LASP1: variants seen among roughly 807,000 people sequenced by gnomAD.
LASP1 encodes LIM and SH3 domain protein 1.
A neutral mutation model predicts 38.6 loss-of-function variants in LASP1; 10 were observed. That is an observed-to-expected ratio of 0.26 (90% CI 0.16 to 0.44). LASP1 has a LOEUF of 0.44. LASP1 is among the 20% of genes least tolerant of loss of function. The pLI is 1.00. For synonymous variants in LASP1, 132 were observed against 140.8 expected, an observed-to-expected ratio of 0.94 and a Z score of 0.44; for missense variants, 243 against 375.7, an observed-to-expected ratio of 0.65 and a Z score of 2.92.
rs1915042658 is a variant in LASP1 at position 38,914,310 on chromosome 17, C to T, written c.358-15C>T. The T allele has an allele frequency of 1.3e-6, 2 of 1,598,122 alleles. No individual in the cohort carries two copies. The highest frequency in any genetic ancestry group is 2.3e-5 in the East Asian group (1 of 44,250). ...TGCAGTGGGACCCTTCACCTAGTGC[C>T]TTCTGACCTTGCAGATAAAATACCA... On this transcript the variant is annotated splice_polypyrimidine_tract_variant and intron_variant, in intron 4 of 6. Coordinates refer to ENST00000318008, the MANE Select transcript of LASP1 (RefSeq NM_006148.4).
At chr17:38,875,586 C>T (rs563798143) in intron 1 of LASP1, among the ~76,000 whole-genome samples, 18 of 152,222 alleles carry the variant, frequency 1.2e-4, no homozygotes, top group African/African-American at 3.9e-4. Context: ...GAGTGGTTCT[C>T]CTAGCATTCT....
At chr17:38,893,377 C>T (rs1042402084) in intron 3 of LASP1, among the ~76,000 whole-genome samples, 1 of 152,180 alleles carries the variant, frequency 6.6e-6, no homozygotes, top group Non-Finnish European at 1.5e-5. Context: ...ATTTTGACTC[C>T]CCCGTGATTC....
intron 4 of LASP1, among the ~76,000 whole-genome samples, chr17:38,912,419 A>G (rs538696982): frequency 1.3e-5 from 2 of 149,830 alleles, no homozygotes; most frequent in Non-Finnish European, 3.0e-5. Flanking sequence ...ATAGGGTCAG[A>G]GTAGGGCCAG....
chr17:38,875,925 G>C (rs899132970), intron 1 of LASP1, among the ~76,000 whole-genome samples: 25 of 152,122 alleles, frequency 1.6e-4, no homozygotes, highest in Admixed American at 1.3e-3. Flanking sequence ...TCCTTCTTTT[G>C]GAATGGGGAA....
chr17:38,894,691 C>T (rs893654729), intron 3 of LASP1, among the ~76,000 whole-genome samples: 3 of 152,206 alleles, frequency 2.0e-5, no homozygotes, highest in African/African-American at 7.2e-5. Context: ...CAGCCCCGGC[C>T]CTTTCCATCA....
intron 2 of LASP1, among the ~76,000 whole-genome samples, chr17:38,886,756 G>A (rs1012648119): frequency 7.9e-5 from 12 of 152,078 alleles, no homozygotes; most frequent in African/African-American, 1.9e-4. Context: ...TCTTGGAGGC[G>A]CCCATCGGTG....
intron 2 of LASP1, among the ~76,000 whole-genome samples, chr17:38,878,674 G>C (rs1328710680): frequency 1.3e-5 from 2 of 152,070 alleles, no homozygotes; most frequent in Non-Finnish European, 2.9e-5. Context: ...GGCTTTGGGG[G>C]CTCCTTCCTC....
At chr17:38,879,531 G>T (rs1598105041) in intron 2 of LASP1, among the ~76,000 whole-genome samples, 1 of 142,928 alleles carries the variant, frequency 7.0e-6, no homozygotes, top group Admixed American at 7.0e-5. Flanking sequence ...TAATTTCAGT[G>T]TTCACATGAA....
intron 2 of LASP1, among the ~76,000 whole-genome samples, chr17:38,884,316 G>C (rs1458885365): frequency 6.8e-6 from 1 of 147,368 alleles, no homozygotes; most frequent in African/African-American, 2.5e-5. Flanking sequence ...AGGCCACCCA[G>C]AGGTCCTCAC....
intron 3 of LASP1, among the ~76,000 whole-genome samples, chr17:38,897,292 G>A (rs1210221811): frequency 6.6e-6 from 1 of 152,216 alleles, no homozygotes; most frequent in Non-Finnish European, 1.5e-5. Context: ...GGCTGCATGC[G>A]CATGCGCAGT....
chr17:38,879,207 G>A (rs934832566), intron 2 of LASP1, among the ~76,000 whole-genome samples: 1 of 129,470 alleles, frequency 7.7e-6, no homozygotes, highest in Admixed American at 9.8e-5. Flanking sequence ...CCAGGTTGGA[G>A]TGCAGTGGCG....
At chr17:38,899,323 G>C (rs556168066) in intron 4 of LASP1, 1 of 159,586 alleles carries the variant, frequency 6.3e-6, no homozygotes, top group African/African-American at 2.4e-5. Context: ...GCAGGCAGCT[G>C]TCTTCGTGTC....
chr17:38,908,848 T>C (rs1914845121), intron 4 of LASP1, among the ~76,000 whole-genome samples: 1 of 152,224 alleles, frequency 6.6e-6, no homozygotes, highest in Admixed American at 6.5e-5. Context: ...TCTTGCCTTT[T>C]GTGCACAGCC....
Position 38,919,580 on chromosome 17 carries a change from G to A in LASP1, c.*802G>A, listed in dbSNP as rs1915239806. On this transcript the variant is annotated 3_prime_UTR_variant, in exon 7 of 7. Coordinates refer to ENST00000318008, the MANE Select transcript of LASP1 (RefSeq NM_006148.4). ...TCCCCACGCCCACCCCCAGTCTCCAGGGACCCTTGCCTGCCTCCTAGGCTG... is the reference window on the plus strand; with the variant it reads ...TCCCCACGCCCACCCCCAGTCTCCAAGGACCCTTGCCTGCCTCCTAGGCTG... The A allele has an allele frequency of 3.9e-6, 1 of 255,936 alleles. No individual in the cohort carries two copies. The allele number at this position is 255,936 out of a possible 1,614,324, so 15.9% of individuals were successfully genotyped here. A position where few individuals can be genotyped will look rare whatever the true frequency, so the allele number is the denominator to read the frequency against.
rs146228030 is a variant in LASP1, at chr17:38,904,889, A to T, written c.357+6370A>T. Among the ~76,000 whole-genome samples, 1,068 of 152,340 alleles carry T rather than the reference A, an allele frequency of 7.0e-3. 10 individuals are homozygous for T. The highest frequency in any genetic ancestry group is 0.01 in the Non-Finnish European group (714 of 68,042). ...AATACTCTGAAGGCAGGTTTGTTGG[A>T]CAATCCTCTAGTTTGATTTTGAAAG... On this transcript the variant is annotated intron_variant, in intron 4 of 6. Coordinates refer to ENST00000318008, the MANE Select transcript of LASP1 (RefSeq NM_006148.4).
chr17:38,870,186 A>T lies in LASP1; in HGVS notation c.-4A>T, dbSNP rs1913556237. ...GCGTCCCCGCCCCAGCTTTTCTCGG[A>T]ACCATGAACCCCAACTGCGCCCGGT... On this transcript the variant is annotated 5_prime_UTR_variant, in exon 1 of 7. Transcript: ENST00000318008. 1.2e-6 allele frequency: 2 copies of T among 1,613,502 alleles called. No homozygotes were observed. The highest frequency in any genetic ancestry group is 1.7e-6 in the Non-Finnish European group (2 of 1,179,786).
intron 4 of LASP1, chr17:38,899,000 G>A (rs376955184): frequency 2.9e-5 from 10 of 349,630 alleles, no homozygotes; most frequent in South Asian, 1.3e-4. Flanking sequence ...AGCTTCACCC[G>A]CCAGCCCTGC....
intron 2 of LASP1, among the ~76,000 whole-genome samples, chr17:38,883,714 C>T (rs1914016922): frequency 6.8e-6 from 1 of 146,686 alleles, no homozygotes; most frequent in South Asian, 2.2e-4. Context: ...AATTGTTTCT[C>T]TTCTATATTA....
intron 4 of LASP1, 36 bp downstream of exon 4, chr17:38,898,555 C>T (rs935915564): frequency 6.8e-7 from 1 of 1,466,504 alleles, no homozygotes; most frequent in Non-Finnish European, 9.4e-7. Flanking sequence ...ATCCCTGCTG[C>T]CCTCTGTTTG....
Sources: gnomAD v4.1 joint callset for allele counts (sites outside exome capture counted in the v4.1 genomes callset) on GRCh38, gnomAD v4.1.1 for gene constraint, MANE v1.5 for transcripts, NCBI Gene and HGNC (gene_info 2026-07-23, HGNC 2026-07-21) for gene names.